The following PFKFB3 variants were observed in gnomAD, a reference collection of about 807,000 sequenced individuals.
PFKFB3 encodes 6-phosphofructo-2-kinase/fructose-2,6-biphosphatase 3.
A neutral mutation model predicts 68.0 loss-of-function variants in PFKFB3; 33 were observed. The observed-to-expected ratio is 0.49, with a 90% CI of 0.37 to 0.65. PFKFB3 has a LOEUF of 0.65. Among genes scored for constraint, PFKFB3 ranks in the 30% least tolerant of loss-of-function variants. The pLI is 0.00. For missense variants in PFKFB3, 586 were observed against 712.2 expected, an observed-to-expected ratio of 0.82 and a Z score of 2.02; for synonymous variants, 315 against 288.2, an observed-to-expected ratio of 1.09 and a Z score of -0.94.
At chr10:6,288,163 C>T in the PFKFB3 span, among the ~76,000 whole-genome samples, 6 of 149,708 alleles carry the variant, frequency 4.0e-5, no homozygotes, top group East Asian at 3.9e-4. Context: ...TCTGTAGGTA[C>T]GGTGTTTTTT....
downstream of PFKFB3, among the ~76,000 whole-genome samples, chr10:6,255,880 T>A (rs768802436): frequency 5.9e-5 from 9 of 152,190 alleles, no homozygotes; most frequent in Non-Finnish European, 4.4e-5. Context: ...ATCATCATTA[T>A]CCTGGAAGGG....
chr10:6,302,362 G>GTTTTTTT, the PFKFB3 span, among the ~76,000 whole-genome samples: 9 of 78,494 alleles, frequency 1.1e-4, 1 homozygote, highest in African/African-American at 3.2e-4. Flanking sequence ...TGCCTGGCCA[G>GTTTTTTT]TTTTTTTTTT....
At chr10:6,262,443 A>T in the PFKFB3 span, among the ~76,000 whole-genome samples, 1 of 111,494 alleles carries the variant, frequency 9.0e-6, no homozygotes, top group Non-Finnish European at 1.7e-5. Context: ...CGACAGCGAG[A>T]CTCCATCTCA....
chr10:6,274,872 A>G, the PFKFB3 span, among the ~76,000 whole-genome samples: 1 of 149,516 alleles, frequency 6.7e-6, no homozygotes, highest in Non-Finnish European at 1.5e-5. Flanking sequence ...AATAACCATC[A>G]TGTGCCATGA....
At chr10:6,165,633 G>C (rs1440506457) in intron 1 of PFKFB3, among the ~76,000 whole-genome samples, 1 of 152,106 alleles carries the variant, frequency 6.6e-6, no homozygotes, top group Non-Finnish European at 1.5e-5. Flanking sequence ...GAGCTCAGAT[G>C]CAAGTTCTCA....
chr10:6,157,974 G>A (rs1169051051), intron 1 of PFKFB3, among the ~76,000 whole-genome samples: 4 of 151,790 alleles, frequency 2.6e-5, no homozygotes, highest in South Asian at 2.1e-4. Flanking sequence ...ACTGAATGAC[G>A]GGTAAAGCCT....
upstream of PFKFB3, among the ~76,000 whole-genome samples, chr10:6,201,932 G>C (rs1031933998): frequency 1.8e-4 from 27 of 152,348 alleles, no homozygotes; most frequent in Non-Finnish European, 3.5e-4. The surrounding 1 kb of genome is among the most constrained non-coding windows in gnomAD (Gnocchi z 4.1). Flanking sequence ...GCCGGGAAAG[G>C]AGACGGGGCA....
chr10:6,259,617 T>C (rs949917317), downstream of PFKFB3, among the ~76,000 whole-genome samples: 7 of 151,150 alleles, frequency 4.6e-5, no homozygotes, highest in South Asian at 2.1e-4. Context: ...CATCCATCCA[T>C]CCACCCATCC....
the PFKFB3 span, among the ~76,000 whole-genome samples, chr10:6,289,883 G>T: frequency 4.0e-5 from 6 of 151,806 alleles, no homozygotes; most frequent in South Asian, 1.3e-3. Context: ...ATTTCATTGA[G>T]CAGTGGTTTG....
rs564814115 is a variant in PFKFB3, at chr10:6,234,546, C to T, written c.*1604C>T. ...CCGTTGCACCCACTTTGGCTGGCGT[C>T]TGCTGGAGAGGATGTCTCTGTCCGC... is the stretch of plus-strand genomic sequence containing the variant. On this transcript the variant is annotated 3_prime_UTR_variant, in exon 15 of 15. Transcript: ENST00000379775. The T allele has an allele frequency of 6.6e-6, 1 of 152,430 alleles. No individual in the cohort carries two copies. The highest frequency in any genetic ancestry group is 1.5e-5 in the Non-Finnish European group (1 of 68,064). 9.4% of individuals were successfully genotyped at this position (152,430 alleles called of 1,614,324 possible).
intron 1 of PFKFB3, among the ~76,000 whole-genome samples, chr10:6,178,896 A>T (rs1208353561): frequency 6.6e-6 from 1 of 152,166 alleles, no homozygotes; most frequent in African/African-American, 2.4e-5. Context: ...TCCCTTGAGA[A>T]GTGTCCCCAA....
chr10:6,183,941 C>T (rs1267481713), intron 1 of PFKFB3, among the ~76,000 whole-genome samples: 1 of 151,880 alleles, frequency 6.6e-6, no homozygotes, highest in African/African-American at 2.4e-5. Flanking sequence ...CCACCCGCCT[C>T]GCCCTCCCAA....
chr10:6,285,690 T>C, the PFKFB3 span, among the ~76,000 whole-genome samples: 1 of 152,190 alleles, frequency 6.6e-6, no homozygotes. Flanking sequence ...TAAGACTTCA[T>C]GCCTATTGAT....
intron 1 of PFKFB3, among the ~76,000 whole-genome samples, chr10:6,189,008 A>T (rs1181817463): frequency 5.3e-5 from 8 of 151,582 alleles, no homozygotes; most frequent in South Asian, 2.1e-4. Flanking sequence ...CTAATTTTTT[A>T]AAAAAATTTT....
chr10:6,245,200 A>G (rs907671886), intron 14 of PFKFB3, among the ~76,000 whole-genome samples: 1 of 151,160 alleles, frequency 6.6e-6, no homozygotes, highest in East Asian at 2.0e-4. Flanking sequence ...GAGTTCAAGC[A>G]ATTCTCCTTC....
At chr10:6,253,270 A>G (rs1026297807) in intron 14 of PFKFB3, among the ~76,000 whole-genome samples, 1 of 152,212 alleles carries the variant, frequency 6.6e-6, no homozygotes, top group African/African-American at 2.4e-5. Context: ...CCTTGTAATT[A>G]AAAATCATAA....
At chr10:6,196,481 A>C (rs1274676279) in intron 1 of PFKFB3, among the ~76,000 whole-genome samples, 1 of 152,162 alleles carries the variant, frequency 6.6e-6, no homozygotes, top group Non-Finnish European at 1.5e-5. Context: ...CCAGGTCCCA[A>C]AACCTCAAAA....
chr10:6,227,376 C>T (rs1845429441), intron 14 of PFKFB3, among the ~76,000 whole-genome samples: 1 of 152,172 alleles, frequency 6.6e-6, no homozygotes, highest in African/African-American at 2.4e-5. Context: ...TGTTGATGAG[C>T]CGGATGCTGG....
At chr10:6,198,120 C>T (rs1167201957), upstream of PFKFB3, among the ~76,000 whole-genome samples, 1 of 151,964 alleles carries the variant, frequency 6.6e-6, no homozygotes, top group African/African-American at 2.4e-5. Flanking sequence ...GTGGCACAAG[C>T]CTGTAATACC....
Sources: allele counts gnomAD v4.1 joint callset (sites outside exome capture counted in the v4.1 genomes callset), GRCh38; gene constraint gnomAD v4.1.1; non-coding constraint Gnocchi (gnomAD v3.1); transcripts MANE v1.5; gene names NCBI Gene and HGNC (gene_info 2026-07-23, HGNC 2026-07-21).